COL19A1: variants seen among roughly 807,000 people sequenced by gnomAD.
The protein encoded by COL19A1 is collagen type XIX alpha 1 chain.
COL19A1 carries 159 observed loss-of-function variants against 190.2 expected under a neutral mutation model. That is an observed-to-expected ratio of 0.84 (90% CI 0.73 to 0.95). The LOEUF (loss-of-function observed/expected upper bound fraction) is 0.95, where lower values mean the gene tolerates loss of function less well. COL19A1 is among the 40% of genes least tolerant of loss of function. COL19A1 has a pLI of 0.00. For synonymous variants in COL19A1, 509 were observed against 458.9 expected, an observed-to-expected ratio of 1.11 and a Z score of -1.39; for missense variants, 1,418 against 1,431.9, an observed-to-expected ratio of 0.99 and a Z score of 0.16.
intron 11 of COL19A1, among the ~76,000 whole-genome samples, chr6:69,971,005 A>T (rs1478839940): frequency 6.6e-6 from 1 of 152,192 alleles, no homozygotes; most frequent in East Asian, 1.9e-4. Context: ...AATGCTAGTC[A>T]TTACAGATTG....
intron 31 of COL19A1, among the ~76,000 whole-genome samples, chr6:70,154,534 G>T (rs1050140252): frequency 2.0e-5 from 3 of 152,110 alleles, no homozygotes; most frequent in Non-Finnish European, 2.9e-5. Context: ...ATTCATCAGG[G>T]TTCTCTAGAG....
intron 48 of COL19A1, among the ~76,000 whole-genome samples, chr6:70,198,637 T>C (rs919159551): frequency 6.6e-6 from 1 of 152,238 alleles, no homozygotes; most frequent in African/African-American, 2.4e-5. Context: ...AGTTAATGAT[T>C]TTACCAAAAT....
intron 14 of COL19A1, among the ~76,000 whole-genome samples, chr6:70,052,600 T>A (rs1294803730): frequency 6.6e-6 from 1 of 152,220 alleles, no homozygotes; most frequent in Non-Finnish European, 1.5e-5. Flanking sequence ...TCTTGTAGAA[T>A]GCTGTCCTAT....
rs113218707 is a variant in COL19A1, at chr6:70,024,612, T to G, written c.1080+932T>G. Among the ~76,000 whole-genome samples, 429 of 131,854 alleles carry G rather than the reference T, an allele frequency of 3.3e-3. 4 individuals are homozygous for G. Among genetic ancestry groups the G allele is most frequent in the African/African-American group, 0.011 (396 of 37,490 alleles). 86.5% of individuals were successfully genotyped at this position (131,854 alleles called of 152,430 possible). On this transcript the variant is annotated intron_variant, in intron 12 of 50. Coordinates refer to ENST00000620364, the MANE Select transcript of COL19A1 (RefSeq NM_001858.6). ...GTGTGTGTGTGTGTGTGTGTGTGTG[T>G]GTGGGTGTGTGGGTGTGTGTGTGTG...
chr6:70,064,630 G>A (rs1280677356), intron 14 of COL19A1, among the ~76,000 whole-genome samples: 8 of 152,210 alleles, frequency 5.3e-5, no homozygotes, highest in African/African-American at 1.9e-4. Flanking sequence ...GCAGGAGAAG[G>A]AAATAAAGGG....
At chr6:70,172,633 A>G (rs1765563945) in intron 41 of COL19A1, among the ~76,000 whole-genome samples, 1 of 152,172 alleles carries the variant, frequency 6.6e-6, no homozygotes, top group South Asian at 2.1e-4. Context: ...ATGTCCAGTA[A>G]TTTGTCTAAA....
At chr6:70,078,843 G>A (rs575551191) in intron 15 of COL19A1, among the ~76,000 whole-genome samples, 5 of 152,274 alleles carry the variant, frequency 3.3e-5, no homozygotes, top group African/African-American at 1.2e-4. Context: ...GAGGCGGGCA[G>A]GTAACTTGAG....
intron 14 of COL19A1, among the ~76,000 whole-genome samples, chr6:70,045,933 T>C (rs1779886817): frequency 6.6e-6 from 1 of 152,228 alleles, no homozygotes; most frequent in Admixed American, 6.5e-5. Context: ...CCCTCCAGTA[T>C]CTGCCTGCTT....
chr6:69,965,233 A>C (rs1387034061), intron 11 of COL19A1, among the ~76,000 whole-genome samples: 1 of 152,196 alleles, frequency 6.6e-6, no homozygotes, highest in Non-Finnish European at 1.5e-5. Flanking sequence ...TTTGAGTGAC[A>C]AGTCACCAGT....
intron 49 of COL19A1, among the ~76,000 whole-genome samples, chr6:70,202,251 T>A (rs1024714588): frequency 1.9e-4 from 17 of 88,226 alleles, no homozygotes; most frequent in African/African-American, 6.2e-4. Context: ...AGACATTTTG[T>A]TTTGTTTTGT....
Position 70,207,030 on chromosome 6 carries a change from C to T in COL19A1, c.3301+52C>T, listed in dbSNP as rs540293500. ...CAAGCAAGCCTTTACAAATTAGAAC[C>T]ATGCTTCTCCCCTAGGGTCCTTATA... On this transcript the variant is annotated intron_variant, in intron 50 of 50. Transcript: ENST00000620364. 8.7e-6 allele frequency: 14 copies of T among 1,606,654 alleles called. No individual in the cohort carries two copies. The East Asian group carries it at 2.9e-4, about 33-fold the overall frequency.
At chr6:70,103,117 A>T (rs2150189172) in intron 16 of COL19A1, among the ~76,000 whole-genome samples, 1 of 152,180 alleles carries the variant, frequency 6.6e-6, no homozygotes, top group Non-Finnish European at 1.5e-5. Flanking sequence ...ATTTTTTAGT[A>T]TCTCCACTTG....
chr6:69,924,357 G>GT (rs1397798776), intron 4 of COL19A1, among the ~76,000 whole-genome samples: 1 of 151,934 alleles, frequency 6.6e-6, no homozygotes, highest in African/African-American at 2.4e-5. Context: ...GCAGTGTTTG[G>GT]TTTTTTGTTC....
At chr6:70,022,794 T>C (rs1327849686) in intron 11 of COL19A1, among the ~76,000 whole-genome samples, 1 of 152,246 alleles carries the variant, frequency 6.6e-6, no homozygotes, top group East Asian at 1.9e-4. Flanking sequence ...TTTTAATGGC[T>C]ACGTCATAAT....
At chr6:70,200,731 T>G (rs925753474) in intron 49 of COL19A1, among the ~76,000 whole-genome samples, 3 of 152,232 alleles carry the variant, frequency 2.0e-5, no homozygotes, top group Non-Finnish European at 4.4e-5. Flanking sequence ...CCAAGGTGAC[T>G]GATGTGCCCT....
chr6:69,905,533 T>A (rs942001676), intron 4 of COL19A1, among the ~76,000 whole-genome samples: 2 of 152,342 alleles, frequency 1.3e-5, no homozygotes, highest in South Asian at 4.1e-4. Flanking sequence ...TGGGCGCAAG[T>A]GCACTTGTAC....
At position 70,023,673 on chromosome 6, in the gene COL19A1, G is replaced by C; in HGVS notation, c.1073G>C (p.Gly358Ala). The C allele has an allele frequency of 6.2e-7, 1 of 1,610,512 alleles. No homozygotes were observed. Among genetic ancestry groups the C allele is most frequent in the Non-Finnish European group, 8.5e-7 (1 of 1,178,946 alleles). Residue 358 changes from glycine to alanine, a missense_variant, in exon 12 of 51, where the codon GGA (glycine) becomes GCA (alanine). Coordinates refer to ENST00000620364, the MANE Select transcript of COL19A1 (RefSeq NM_001858.6). ...GATCCAGCTCTGGCTGGCCTTAATG[G>C]AGAAAATGTAAGCCTAACTCTTTTT... ...KGDPALAGLN[G>A]ENGLKGDLGP...
Position 70,144,791 on chromosome 6 carries a change from G to A in COL19A1, c.1681-127G>A, listed in dbSNP as rs79501840. On this transcript the variant is annotated intron_variant, in intron 24 of 50. Coordinates refer to ENST00000620364, the MANE Select transcript of COL19A1 (RefSeq NM_001858.6). The stretch of plus-strand genomic sequence containing the variant: ...ATTGAGTGAGTTGGTGAGTGAGTGA[G>A]TGAGTGAGTGAATGAATGAAGTTTG... The A allele has an allele frequency of 4.9e-4, 330 of 680,234 alleles. 2 individuals are homozygous for A. Among genetic ancestry groups the A allele is most frequent in the Middle Eastern group, 1.2e-3 (5 of 4,148 alleles). The allele number at this position is 680,234 out of a possible 1,614,324, so 42.1% of individuals were successfully genotyped here.
chr6:70,147,820 C>A (rs1445600073), intron 27 of COL19A1, among the ~76,000 whole-genome samples: 1 of 152,162 alleles, frequency 6.6e-6, no homozygotes, highest in Non-Finnish European at 1.5e-5. Flanking sequence ...CATATCTGGA[C>A]CTTCATGACT....
Sources: allele counts gnomAD v4.1 joint callset (sites outside exome capture counted in the v4.1 genomes callset), GRCh38; gene constraint gnomAD v4.1.1; transcripts MANE v1.5; gene names NCBI Gene and HGNC (gene_info 2026-07-23, HGNC 2026-07-21).